Variants in PSMD14 observed in about 807,000 individuals in gnomAD.
The protein encoded by PSMD14 is ubiquitin C-terminal hydrolase PSMD14.
Under a neutral mutation model 41.2 loss-of-function variants are expected in PSMD14, and 7 were observed. That is an observed-to-expected ratio of 0.17 (90% CI 0.10 to 0.32). PSMD14 has a LOEUF of 0.32. Among genes scored for constraint, PSMD14 ranks in the 10% least tolerant of loss-of-function variants. PSMD14 has a pLI of 1.00. For missense variants in PSMD14, 139 were observed against 375.6 expected, an observed-to-expected ratio of 0.37 and a Z score of 5.21; for synonymous variants, 114 against 122.3, an observed-to-expected ratio of 0.93 and a Z score of 0.45.
At chr2:161,321,860 A>C (rs1487687687) in intron 3 of PSMD14, among the ~76,000 whole-genome samples, 1 of 152,182 alleles carries the variant, frequency 6.6e-6, no homozygotes, top group Non-Finnish European at 1.5e-5. Flanking sequence ...CCCTCCCTGC[A>C]CATCAGTGAG....
intron 3 of PSMD14, among the ~76,000 whole-genome samples, chr2:161,354,436 G>A (rs966111530): frequency 6.6e-6 from 1 of 152,038 alleles, no homozygotes; most frequent in Non-Finnish European, 1.5e-5. Flanking sequence ...TTGTAGAGAC[G>A]GTTTCGTCAT....
intron 3 of PSMD14, 185 bp downstream of exon 3, chr2:161,319,058 T>C (rs903703632): frequency 9.4e-6 from 4 of 425,716 alleles, no homozygotes; most frequent in Non-Finnish European, 1.2e-5. Context: ...TTTATTGTCT[T>C]AGTTTACTTT....
chr2:161,344,040 ATTAT>A (rs201454917), intron 3 of PSMD14, among the ~76,000 whole-genome samples: 3,063 of 149,732 alleles, frequency 0.02, 43 homozygotes, highest in South Asian at 0.051. Flanking sequence ...TAATCTAGAG[ATTAT>A]TTAAAGTGTA....
At chr2:161,347,664 A>C (rs1683063246) in intron 3 of PSMD14, among the ~76,000 whole-genome samples, 1 of 152,214 alleles carries the variant, frequency 6.6e-6, no homozygotes. Flanking sequence ...TGGATACTTA[A>C]AATTGAATAT....
intron 7 of PSMD14, chr2:161,383,658 T>G (rs1683597353): frequency 6.6e-6 from 1 of 151,594 alleles, no homozygotes; most frequent in Non-Finnish European, 1.5e-5. Context: ...TTCATAATTT[T>G]GTAGTAGCTT....
chr2:161,343,548 TC>T (rs1682997032), intron 3 of PSMD14, among the ~76,000 whole-genome samples: 1 of 152,184 alleles, frequency 6.6e-6, no homozygotes, highest in Admixed American at 6.5e-5. Flanking sequence ...TGTTTGAGGA[TC>T]GGGTACAGTG....
intron 9 of PSMD14, among the ~76,000 whole-genome samples, chr2:161,392,688 G>T (rs1683728727): frequency 6.6e-6 from 1 of 152,048 alleles, no homozygotes; most frequent in African/African-American, 2.4e-5. Context: ...TGGCGCAAGG[G>T]GATCTTATAA....
intron 3 of PSMD14, among the ~76,000 whole-genome samples, chr2:161,363,665 C>T (rs1005250120): frequency 6.6e-6 from 1 of 152,200 alleles, no homozygotes. Context: ...TTTTTCTCAT[C>T]TTGGGAGCTA....
chr2:161,383,643 A>G (rs1683597199), intron 7 of PSMD14: 1 of 151,594 alleles, frequency 6.6e-6, no homozygotes, highest in South Asian at 2.1e-4. Flanking sequence ...ATATATAATG[A>G]AATTTTCATA....
intron 7 of PSMD14, among the ~76,000 whole-genome samples, chr2:161,374,066 C>T (rs1447139910): frequency 6.6e-6 from 1 of 151,678 alleles, no homozygotes; most frequent in Non-Finnish European, 1.5e-5. Flanking sequence ...GATATGAATC[C>T]AGTTCTGTAA....
intron 3 of PSMD14, among the ~76,000 whole-genome samples, chr2:161,346,153 G>A (rs1375067078): frequency 6.6e-6 from 1 of 152,196 alleles, no homozygotes; most frequent in African/African-American, 2.4e-5. Context: ...GAAGTGCTGG[G>A]ATTATAGGCG....
chr2:161,341,335 G>C (rs867859954), intron 3 of PSMD14: 2 of 1,011,830 alleles, frequency 2.0e-6, no homozygotes, highest in South Asian at 8.9e-5. Flanking sequence ...ATCGCGCCGC[G>C]GCCGCCGAGT....
chr2:161,320,886 C>G (rs1296490417), intron 3 of PSMD14, among the ~76,000 whole-genome samples: 1 of 152,062 alleles, frequency 6.6e-6, no homozygotes, highest in Non-Finnish European at 1.5e-5. Flanking sequence ...CCACCACGCC[C>G]AGCCGATTTT....
intron 3 of PSMD14, among the ~76,000 whole-genome samples, chr2:161,345,716 C>T (rs1683032138): frequency 6.6e-6 from 1 of 152,066 alleles, no homozygotes; most frequent in African/African-American, 2.4e-5. Flanking sequence ...CACATTTGGA[C>T]AAATTTTGGT....
At chr2:161,312,617 A>T (rs902218968) in intron 1 of PSMD14, among the ~76,000 whole-genome samples, 1 of 152,220 alleles carries the variant, frequency 6.6e-6, no homozygotes, top group Admixed American at 6.5e-5. Context: ...GTATGACATT[A>T]TGTTAGGTAT....
chr2:161,330,429 C>T (rs907739404), intron 3 of PSMD14, among the ~76,000 whole-genome samples: 18 of 152,294 alleles, frequency 1.2e-4, no homozygotes, highest in Non-Finnish European at 2.6e-4. Context: ...TCTTTCCCTA[C>T]CTTCAACATT....
intron 3 of PSMD14, among the ~76,000 whole-genome samples, chr2:161,341,963 T>G (rs143652310): frequency 6.6e-6 from 1 of 152,034 alleles, no homozygotes; most frequent in East Asian, 1.9e-4. Context: ...CATATTCTCT[T>G]TTCTTCCAGA....
At position 161,389,889 on chromosome 2, in the gene PSMD14, G is replaced by GTTTTTTTTTTTTTTTT; in HGVS notation, c.571-1207_571-1192dup. Among the ~76,000 whole-genome samples the GTTTTTTTTTTTTTTTT allele has an allele frequency of 3.0e-4, 6 of 20,046 alleles. 1 individual carries two copies. The highest frequency in any genetic ancestry group is 4.4e-3 in the East Asian group (2 of 452). The allele number at this position is 20,046 out of a possible 152,430, so 13.2% of individuals were successfully genotyped here. On this transcript the variant is annotated intron_variant, in intron 8 of 11. Coordinates refer to ENST00000409682, the MANE Select transcript of PSMD14 (RefSeq NM_005805.6). Reference sequence around the variant, plus strand: ...TGTCTTATTTTCTTTCTTTTTTGTTGTTTTTTTTTTTTTTTTTTTTTTTAG... The same window carrying GTTTTTTTTTTTTTTTT: ...TGTCTTATTTTCTTTCTTTTTTGTTGTTTTTTTTTTTTTTTTTTTTTTTTTTTTTTTTTTTTTTTAG...
At chr2:161,399,687 G>A (rs767462519) in intron 10 of PSMD14, among the ~76,000 whole-genome samples, 21 of 151,868 alleles carry the variant, frequency 1.4e-4, no homozygotes, top group Admixed American at 1.3e-4. Flanking sequence ...TTTTTAAGTC[G>A]TCAAAAAAAG....
Sources: allele counts gnomAD v4.1 joint callset (sites outside exome capture counted in the v4.1 genomes callset), GRCh38; gene constraint gnomAD v4.1.1; transcripts MANE v1.5; gene names NCBI Gene and HGNC (gene_info 2026-07-23, HGNC 2026-07-21).